SUCLG2: variants seen among roughly 807,000 people sequenced by gnomAD.
SUCLG2 encodes the protein succinate--CoA ligase [GDP-forming] subunit beta, mitochondrial.
SUCLG2 carries 42 observed loss-of-function variants against 47.9 expected under a neutral mutation model. The observed-to-expected ratio is 0.88, with a 90% CI of 0.69 to 1.14. The LOEUF (loss-of-function observed/expected upper bound fraction) is 1.14, where lower values mean the gene tolerates loss of function less well. SUCLG2 is among the 50% of genes most tolerant of loss of function. The pLI is 0.00. For synonymous variants in SUCLG2, 195 were observed against 197.3 expected (o/e 0.99, Z 0.10); for missense variants, 571 against 525.9 (o/e 1.09, Z -0.84).
intron 1 of SUCLG2, among the ~76,000 whole-genome samples, chr3:67,638,984 A>T (rs1218368959): frequency 3.3e-5 from 5 of 152,204 alleles, no homozygotes; most frequent in African/African-American, 7.2e-5. Flanking sequence ...AGAAAAAAAA[A>T]TTATCTAGAT....
intron 9 of SUCLG2, among the ~76,000 whole-genome samples, chr3:67,472,698 C>A (rs1704634153): frequency 6.6e-6 from 1 of 152,076 alleles, no homozygotes; most frequent in Non-Finnish European, 1.5e-5. Flanking sequence ...ACTAAATGGT[C>A]ACCAGAGGAC....
At chr3:67,583,373 G>A (rs754719407) in intron 2 of SUCLG2, among the ~76,000 whole-genome samples, 1 of 152,148 alleles carries the variant, frequency 6.6e-6, no homozygotes, top group East Asian at 1.9e-4. Flanking sequence ...TCGGCTCAGC[G>A]AAAGGATCCT....
intron 2 of SUCLG2, among the ~76,000 whole-genome samples, chr3:67,601,790 T>C (rs1708424229): frequency 6.6e-6 from 1 of 152,220 alleles, no homozygotes; most frequent in South Asian, 2.1e-4. Context: ...GAGACCATCC[T>C]GGCCAACATG....
intron 2 of SUCLG2, among the ~76,000 whole-genome samples, chr3:67,559,398 T>C (rs1417143349): frequency 6.6e-6 from 1 of 152,038 alleles, no homozygotes; most frequent in Non-Finnish European, 1.5e-5. Flanking sequence ...TGGCAGAAGG[T>C]GAAGGAGAAG....
intron 9 of SUCLG2, among the ~76,000 whole-genome samples, chr3:67,452,517 G>A (rs1704079603): frequency 6.6e-6 from 1 of 152,088 alleles, no homozygotes; most frequent in African/African-American, 2.4e-5. Flanking sequence ...ACTTCTATTA[G>A]TTTCTTTATT....
intron 9 of SUCLG2, among the ~76,000 whole-genome samples, chr3:67,488,985 T>C (rs1230094131): frequency 6.6e-6 from 1 of 152,204 alleles, no homozygotes; most frequent in East Asian, 1.9e-4. Context: ...AACCTGGATT[T>C]TGAAGACAGA....
intron 4 of SUCLG2, 75 bp from the exon 5 acceptor site, chr3:67,520,709 T>C (rs1706077872): frequency 6.6e-7 from 1 of 1,506,888 alleles, no homozygotes; most frequent in Admixed American, 2.2e-5. Context: ...ACAAACTTGC[T>C]ACACGAATCA....
intron 4 of SUCLG2, among the ~76,000 whole-genome samples, chr3:67,521,481 C>G (rs929384209): frequency 3.9e-5 from 6 of 152,134 alleles, no homozygotes; most frequent in Admixed American, 3.9e-4. Flanking sequence ...AACAGCCCCA[C>G]CAGGAAAAAC....
At chr3:67,370,328 C>T (rs1302479945), downstream of SUCLG2, among the ~76,000 whole-genome samples, 4 of 152,144 alleles carry the variant, frequency 2.6e-5, no homozygotes, top group South Asian at 8.3e-4. Context: ...AGTTGGGAAA[C>T]AATGATCTTT....
chr3:67,360,693 C>T (rs1401359578), exon 11 of SUCLG2: 3 of 1,529,392 alleles, frequency 2.0e-6, no homozygotes, highest in Non-Finnish European at 2.6e-6. Flanking sequence ...CTCTTGGATA[C>T]CAGTTATATT....
chr3:67,587,312 A>T (rs1708049087), intron 2 of SUCLG2, among the ~76,000 whole-genome samples: 1 of 152,042 alleles, frequency 6.6e-6, no homozygotes, highest in Non-Finnish European at 1.5e-5. Flanking sequence ...CGTCTGATCT[A>T]CCTGGAGACA....
intron 7 of SUCLG2, among the ~76,000 whole-genome samples, chr3:67,503,164 A>C (rs536896846): frequency 2.0e-5 from 3 of 152,276 alleles, no homozygotes; most frequent in South Asian, 4.2e-4. Flanking sequence ...AATATTTACT[A>C]ACTGGTCCTT....
intron 1 of SUCLG2, among the ~76,000 whole-genome samples, chr3:67,612,482 G>C (rs1054476216): frequency 6.6e-6 from 1 of 152,128 alleles, no homozygotes; most frequent in African/African-American, 2.4e-5. Context: ...AAGTACGCTG[G>C]AAATGTAATA....
chr3:67,484,635 G>A (rs1460393583), intron 9 of SUCLG2, among the ~76,000 whole-genome samples: 1 of 152,004 alleles, frequency 6.6e-6, no homozygotes, highest in East Asian at 1.9e-4. Context: ...GGGGAAGGGG[G>A]CAAACAAACT....
chr3:67,598,416 T>G (rs1353707485), intron 2 of SUCLG2, among the ~76,000 whole-genome samples: 1 of 152,162 alleles, frequency 6.6e-6, no homozygotes, highest in Admixed American at 6.5e-5. Context: ...GTAAAAGGGA[T>G]TTGCAGTTAA....
At chr3:67,530,701 C>T (rs543837464) in intron 2 of SUCLG2, among the ~76,000 whole-genome samples, 1 of 152,236 alleles carries the variant, frequency 6.6e-6, no homozygotes, top group Non-Finnish European at 1.5e-5. Context: ...CTGAAGCCCA[C>T]CTTCTTCTCA....
intron 9 of SUCLG2, among the ~76,000 whole-genome samples, chr3:67,439,382 G>C (rs761807444): frequency 1.3e-5 from 2 of 152,158 alleles, no homozygotes; most frequent in African/African-American, 4.8e-5. Context: ...TGGAAGTTCC[G>C]GCCAGGGCAA....
At position 67,624,646 on chromosome 3, in the gene SUCLG2, T is replaced by C. The variant is rs187894438; in HGVS notation, c.85-15050A>G. Among the ~76,000 whole-genome samples, 549 of 152,356 alleles carry C rather than the reference T, an allele frequency of 3.6e-3. 3 individuals carry two copies. Among genetic ancestry groups the C allele is most frequent in the African/African-American group, 0.013 (522 of 41,572 alleles). ...TCTATGTTAGTCATCTCTTCTCTTA[T>C]AGTAATTTGAATTTCTTTAGCCAGG... On this transcript the variant is annotated intron_variant, in intron 1 of 10. Transcript: ENST00000307227.
At chr3:67,494,219 A>G (rs1219067776) in intron 9 of SUCLG2, among the ~76,000 whole-genome samples, 1 of 152,234 alleles carries the variant, frequency 6.6e-6, no homozygotes, top group Non-Finnish European at 1.5e-5. Flanking sequence ...TTTTTAAAAA[A>G]TCTGGTATTA....
Sources: gnomAD v4.1 joint callset for allele counts (sites outside exome capture counted in the v4.1 genomes callset) on GRCh38, gnomAD v4.1.1 for gene constraint, MANE v1.5 for transcripts, NCBI Gene and HGNC (gene_info 2026-07-23, HGNC 2026-07-21) for gene names.